The following SEC63 variants were observed in gnomAD, a reference collection of about 807,000 sequenced individuals.
The protein encoded by SEC63 is translocation protein SEC63 homolog.
Under a neutral mutation model 116.2 loss-of-function variants are expected in SEC63, and 56 were observed. The observed-to-expected ratio is 0.48, with a 90% CI of 0.39 to 0.60. The LOEUF (loss-of-function observed/expected upper bound fraction) is 0.60, where lower values mean the gene tolerates loss of function less well. Among genes scored for constraint, SEC63 ranks in the 20% least tolerant of loss-of-function variants. The pLI is 0.00. For missense variants in SEC63, 668 were observed against 900.0 expected (o/e 0.74, Z 3.30); for synonymous variants, 273 against 294.6 (o/e 0.93, Z 0.75).
At chr6:107,948,117 G>A (rs866923891) in intron 1 of SEC63, among the ~76,000 whole-genome samples, 4 of 151,838 alleles carry the variant, frequency 2.6e-5, no homozygotes, top group Middle Eastern at 3.2e-3. Flanking sequence ...GACCTATCTC[G>A]TGTCACCTCC....
intron 19 of SEC63, among the ~76,000 whole-genome samples, chr6:107,874,525 G>A (rs1213712932): frequency 6.6e-6 from 1 of 150,608 alleles, no homozygotes; most frequent in Middle Eastern, 3.4e-3. Context: ...GAACCCGGGA[G>A]GCGGAGCTTG....
chr6:107,925,852 G>T (rs1440945980), intron 2 of SEC63, among the ~76,000 whole-genome samples: 2 of 152,120 alleles, frequency 1.3e-5, no homozygotes, highest in Non-Finnish European at 2.9e-5. Context: ...TTGTACATTT[G>T]ATTAACTTTT....
chr6:107,883,225 T>C (rs1009995143), intron 16 of SEC63, 79 bp from the exon 17 acceptor site: 17 of 1,570,164 alleles, frequency 1.1e-5, no homozygotes, highest in African/African-American at 1.1e-4. Context: ...AGTTAACTTA[T>C]TGTCAATTTA....
chr6:107,947,319 C>A (rs890122059), intron 1 of SEC63, among the ~76,000 whole-genome samples: 1 of 151,676 alleles, frequency 6.6e-6, no homozygotes, highest in African/African-American at 2.4e-5. Flanking sequence ...AAACAAAAAA[C>A]AAAAACACTC....
intron 16 of SEC63, among the ~76,000 whole-genome samples, chr6:107,887,981 T>C (rs908295843): frequency 1.3e-5 from 2 of 152,174 alleles, no homozygotes; most frequent in Non-Finnish European, 2.9e-5. Context: ...TACCATGCTG[T>C]TTTGGTTACT....
rs1562314703 is a variant in SEC63 at position 107,883,060 on chromosome 6, A to T, written c.1761T>A (p.Ser587Arg). The change falls in exon 17 of 21, where the codon AGT becomes AGA. Residue 587 changes from serine (S) to arginine (R), a missense_variant. Coordinates refer to ENST00000369002, the MANE Select transcript of SEC63 (RefSeq NM_007214.5). The part of the protein sequence containing the change: ...EEEETNRDSQ[S>R]EKDDGSDRDS... ...CTCTGTCACTACCATCATCTTTCTC[A>T]CTTTGGGAATCTCTATTGGTTTCTT... The T allele has an allele frequency of 6.2e-7, 1 of 1,612,860 alleles. No homozygotes were observed.
chr6:107,898,217 CGTACCACT>C (rs1186817997), intron 13 of SEC63, among the ~76,000 whole-genome samples: 1 of 149,982 alleles, frequency 6.7e-6, no homozygotes, highest in African/African-American at 2.5e-5. Flanking sequence ...GAGCCCAGAT[CGTACCACT>C]GCACTTCAGG....
intron 10 of SEC63, among the ~76,000 whole-genome samples, chr6:107,905,154 A>G (rs1172231690): frequency 2.6e-5 from 4 of 152,228 alleles, no homozygotes; most frequent in Admixed American, 2.0e-4. Context: ...TATACTGCAT[A>G]TAATAGTTAA....
intron 10 of SEC63, among the ~76,000 whole-genome samples, chr6:107,905,389 A>G (rs1052366857): frequency 6.6e-6 from 1 of 152,178 alleles, no homozygotes. Context: ...TAAGCGTCAC[A>G]TGGCCTTGTT....
intron 2 of SEC63, among the ~76,000 whole-genome samples, chr6:107,927,769 G>A (rs938693101): frequency 3.9e-5 from 6 of 152,042 alleles, no homozygotes; most frequent in East Asian, 1.9e-4. Flanking sequence ...GCTCAAGTCC[G>A]CAGTATAAAA....
At chr6:107,938,641 C>T (rs1189661019) in intron 1 of SEC63, among the ~76,000 whole-genome samples, 4 of 151,616 alleles carry the variant, frequency 2.6e-5, no homozygotes, top group African/African-American at 7.3e-5. Context: ...CAGCTCACTG[C>T]AACCTCCAAC....
chr6:107,902,743 A>C, intron 12 of SEC63, 101 bp downstream of exon 12: 1 of 1,139,566 alleles, frequency 8.8e-7, no homozygotes, highest in Non-Finnish European at 1.3e-6. Context: ...TTCTAAATCT[A>C]AAAAATGCAT....
chr6:107,910,595 TACAC>T (rs750567894), intron 7 of SEC63, among the ~76,000 whole-genome samples: 15 of 152,044 alleles, frequency 9.9e-5, no homozygotes, highest in African/African-American at 2.4e-4. Flanking sequence ...ATGTATGTCA[TACAC>T]ACACGTGTCA....
intron 19 of SEC63, among the ~76,000 whole-genome samples, chr6:107,874,367 G>T (rs1054440517): frequency 6.6e-6 from 1 of 152,110 alleles, no homozygotes; most frequent in African/African-American, 2.4e-5. Context: ...GGCCAAGGCG[G>T]GCGGATCACA....
intron 1 of SEC63, among the ~76,000 whole-genome samples, chr6:107,955,196 C>T (rs1770687321): frequency 6.6e-6 from 1 of 152,204 alleles, no homozygotes; most frequent in South Asian, 2.1e-4. Context: ...TAGAACCTAC[C>T]TCACTGCATT....
At chr6:107,890,754 G>A (rs938020837) in intron 16 of SEC63, among the ~76,000 whole-genome samples, 2 of 152,130 alleles carry the variant, frequency 1.3e-5, no homozygotes, top group Non-Finnish European at 2.9e-5. Context: ...GCTCTCAAAG[G>A]GCAGGCCTGG....
chr6:107,891,445 T>G (rs1321067988), intron 16 of SEC63, among the ~76,000 whole-genome samples: 1 of 152,054 alleles, frequency 6.6e-6, no homozygotes, highest in Admixed American at 6.5e-5. Context: ...TCTAAACTGG[T>G]TATTCTAGTT....
intron 17 of SEC63, 29 bp downstream of exon 17, chr6:107,882,959 T>C: frequency 7.1e-7 from 1 of 1,408,796 alleles, no homozygotes; most frequent in Non-Finnish European, 1.0e-6. Context: ...ATTCCAATTA[T>C]TTAAATTATT....
At chr6:107,907,796 A>T (rs483977) in intron 8 of SEC63, among the ~76,000 whole-genome samples, 3,915 of 152,288 alleles carry the variant, frequency 0.026, 145 homozygotes, top group African/African-American at 0.089. Flanking sequence ...TTTACTTAAT[A>T]ACAACTGTTC....
Sources: allele counts gnomAD v4.1 joint callset (sites outside exome capture counted in the v4.1 genomes callset), GRCh38; gene constraint gnomAD v4.1.1; transcripts MANE v1.5; gene names NCBI Gene and HGNC (gene_info 2026-07-23, HGNC 2026-07-21).